NRXN3: variants seen among roughly 807,000 people sequenced by gnomAD.
NRXN3 encodes the protein neurexin III.
Under a neutral mutation model 137.6 loss-of-function variants are expected in NRXN3, and 32 were observed. The ratio of observed to expected loss-of-function variants is 0.23; its 90% CI spans 0.18 to 0.31. NRXN3 has a LOEUF of 0.31. Among genes scored for constraint, NRXN3 ranks in the 10% least tolerant of loss-of-function variants. The probability of loss-of-function intolerance (pLI) is 1.00; values close to 1 mark genes in which losing one functional copy is unlikely to be tolerated. For synonymous variants in NRXN3, 798 were observed against 784.5 expected (o/e 1.02, Z -0.29); for missense variants, 1,574 against 2,062.5 (o/e 0.76, Z 4.59).
rs2074353410 is a variant in NRXN3, at chr14:79,241,830, G to T, written c.3263-225391G>T. ...GCCTGTAATCCCAACACTTTGGGAG[G>T]CTGAGGCAGACAGATCACTTGAGGT... On this transcript the variant is annotated intron_variant, in intron 15 of 20. Coordinates refer to ENST00000335750, the MANE Select transcript of NRXN3 (RefSeq NM_001330195.2). Among the ~76,000 whole-genome samples the T allele has an allele frequency of 2.6e-5, 4 of 152,196 alleles. No individual in the cohort carries two copies. The South Asian group carries it at 8.3e-4, about 31-fold the overall frequency.
chr14:78,302,144 A>G (rs1203278176), intron 4 of NRXN3, among the ~76,000 whole-genome samples: 1 of 152,114 alleles, frequency 6.6e-6, no homozygotes, highest in Non-Finnish European at 1.5e-5. Context: ...CTCTTCTCTC[A>G]TTGGCAATAC....
At chr14:79,045,230 C>A (rs983150296) in intron 15 of NRXN3, among the ~76,000 whole-genome samples, 4 of 152,104 alleles carry the variant, frequency 2.6e-5, no homozygotes, top group Non-Finnish European at 5.9e-5. Context: ...GCTACCCACA[C>A]CCCTCCTTCT....
chr14:79,280,642 A>C, intron 15 of NRXN3: 1 of 1,165,026 alleles, frequency 8.6e-7, no homozygotes, highest in South Asian at 1.5e-5. Flanking sequence ...AAAAAAAATG[A>C]ATTTAAAATG....
intron 4 of NRXN3, among the ~76,000 whole-genome samples, chr14:78,529,616 G>A (rs932499803): frequency 2.0e-5 from 3 of 152,144 alleles, no homozygotes; most frequent in African/African-American, 7.2e-5. Context: ...GTCAACAGAG[G>A]CTGTTCCCAC....
intron 16 of NRXN3, among the ~76,000 whole-genome samples, chr14:79,479,400 A>T (rs2096587256): frequency 6.6e-6 from 1 of 152,094 alleles, no homozygotes; most frequent in Non-Finnish European, 1.5e-5. Context: ...TAAGAGGATT[A>T]AGTAACCATT....
In NRXN3 at chr14:79,337,790, T is replaced by C. The variant is rs1021586832; in HGVS notation, c.3263-129431T>C. On this transcript the variant is annotated intron_variant, in intron 15 of 20. Transcript: ENST00000335750. ...GCACTGTCCTAAAGAATGGATCTCC[T>C]GTAATACTGTTGTAGAGAAATGTAG... 2.0e-5 allele frequency among the ~76,000 whole-genome samples: 3 copies of C among 152,208 alleles called. No individual in the cohort carries two copies. In the East Asian group the frequency reaches 5.8e-4, roughly 29 times the overall value.
chr14:78,432,730 T>TCCTGACAGACTGGCAGGTATA (rs1325313143), intron 4 of NRXN3, among the ~76,000 whole-genome samples: 2 of 152,306 alleles, frequency 1.3e-5, no homozygotes, highest in South Asian at 2.1e-4. Context: ...TCTTGTCATT[T>TCCTGACAGACTGGCAGGTATA]CCTGACAGAC....
chr14:79,494,877 C>T (rs924456833), intron 16 of NRXN3, among the ~76,000 whole-genome samples: 1 of 152,140 alleles, frequency 6.6e-6, no homozygotes, highest in Non-Finnish European at 1.5e-5. Flanking sequence ...AGAATCCAAT[C>T]CAGGATACCA....
In NRXN3 at chr14:79,862,075, G is replaced by C; in HGVS notation, c.*111G>C. 1.1e-6 allele frequency: 1 copy of C among 943,330 alleles called. No homozygotes were observed. Among genetic ancestry groups the C allele is most frequent in the South Asian group, 1.7e-5 (1 of 58,428 alleles). 58.4% of individuals were successfully genotyped at this position (943,330 alleles called of 1,614,324 possible). The stretch of plus-strand genomic sequence containing the variant: ...TCAGAACTGCTGGAACTATGAAATG[G>C]GGTATATAACCACGACTCTGGTGGG... On this transcript the variant is annotated 3_prime_UTR_variant, in exon 21 of 21. Transcript: ENST00000335750.
At chr14:78,350,010 G>A (rs1423213701) in intron 4 of NRXN3, among the ~76,000 whole-genome samples, 1 of 152,098 alleles carries the variant, frequency 6.6e-6, no homozygotes. Context: ...AAGAGGGATG[G>A]GGCATGGTGG....
intron 20 of NRXN3, among the ~76,000 whole-genome samples, chr14:79,825,276 G>A (rs983036176): frequency 1.4e-5 from 2 of 140,000 alleles, no homozygotes; most frequent in African/African-American, 2.7e-5. Flanking sequence ...GTCAGGCATT[G>A]CACAAATGCT....
chr14:79,281,575 TG>T (rs2081282550), intron 15 of NRXN3, among the ~76,000 whole-genome samples: 1 of 151,876 alleles, frequency 6.6e-6, no homozygotes, highest in South Asian at 2.1e-4. Flanking sequence ...TGGGAGCTAG[TG>T]GGGGTGGGGT....
At chr14:79,155,675 A>G (rs2060197630) in intron 15 of NRXN3, among the ~76,000 whole-genome samples, 1 of 151,862 alleles carries the variant, frequency 6.6e-6, no homozygotes, top group South Asian at 2.1e-4. Flanking sequence ...ATAGCCTGAC[A>G]AAAGACAAGA....
At chr14:78,817,828 C>T (rs1231145458) in intron 10 of NRXN3, among the ~76,000 whole-genome samples, 2 of 150,892 alleles carry the variant, frequency 1.3e-5, no homozygotes, top group Non-Finnish European at 2.9e-5. Flanking sequence ...CAAACGCCTC[C>T]CACTGAGCAC....
intron 8 of NRXN3, among the ~76,000 whole-genome samples, chr14:78,750,317 A>C (rs1207668016): frequency 2.6e-5 from 4 of 152,220 alleles, no homozygotes. Context: ...CATGAATGAC[A>C]AAACTTTTCT....
At chr14:79,372,321 G>GT (rs1344946908) in intron 15 of NRXN3, among the ~76,000 whole-genome samples, 2 of 152,126 alleles carry the variant, frequency 1.3e-5, no homozygotes, top group Non-Finnish European at 2.9e-5. Context: ...CTCTGTTCTT[G>GT]TAACTTTCCC....
chr14:79,340,160 G>GGTGTGTGTGT (rs10533702), intron 15 of NRXN3, among the ~76,000 whole-genome samples: 57 of 146,634 alleles, frequency 3.9e-4, no homozygotes, highest in South Asian at 1.1e-3. Flanking sequence ...TGAATTTAAG[G>GGTGTGTGTGT]GTGTGTGTGT....
At chr14:79,739,994 T>C (rs1196407788) in intron 19 of NRXN3, among the ~76,000 whole-genome samples, 2 of 152,148 alleles carry the variant, frequency 1.3e-5, no homozygotes, top group African/African-American at 4.8e-5. Context: ...CCTCTGAATA[T>C]GTCCAGAGGA....
chr14:78,551,928 T>A (rs2152202704), intron 4 of NRXN3, among the ~76,000 whole-genome samples: 1 of 152,258 alleles, frequency 6.6e-6, no homozygotes, highest in Non-Finnish European at 1.5e-5. Flanking sequence ...GGACCAAAAG[T>A]GCCCTTAGAG....
Sources: allele counts gnomAD v4.1 joint callset (sites outside exome capture counted in the v4.1 genomes callset), GRCh38; gene constraint gnomAD v4.1.1; transcripts MANE v1.5; gene names NCBI Gene and HGNC (gene_info 2026-07-23, HGNC 2026-07-21).